Variants in PDCD6IP observed in about 807,000 individuals in gnomAD.
PDCD6IP encodes the protein programmed cell death 6-interacting protein.
PDCD6IP carries 43 observed loss-of-function variants against 103.7 expected under a neutral mutation model. The observed-to-expected ratio is 0.41, with a 90% confidence interval of 0.32 to 0.53. PDCD6IP has a LOEUF of 0.53. PDCD6IP is among the 20% of genes least tolerant of loss of function. The pLI, the probability that PDCD6IP is intolerant of heterozygous loss-of-function variation, is 0.16. For missense variants in PDCD6IP, 871 were observed against 1,036.7 expected (o/e 0.84, Z 2.20); for synonymous variants, 354 against 378.7 (o/e 0.93, Z 0.76).
rs571522798 is a variant in PDCD6IP at position 33,841,050 on chromosome 3, C to T, written c.1182-847C>T. On this transcript the variant is annotated intron_variant, in intron 9 of 17. Transcript: ENST00000307296. ...ACTTTTTTTTTTTTTTCCCCCGAGACGGAGTCTCACTCTGTCGCCCAGGCT... is the reference window on the plus strand; with the variant it reads ...ACTTTTTTTTTTTTTTCCCCCGAGATGGAGTCTCACTCTGTCGCCCAGGCT... Among the ~76,000 whole-genome samples the T allele has an allele frequency of 1.1e-3, 162 of 145,146 alleles. 1 individual carries two copies. Among genetic ancestry groups the T allele is most frequent in the African/African-American group, 3.7e-3 (144 of 38,558 alleles).
Position 33,868,717 on chromosome 3 carries a change from T to C in PDCD6IP, c.*2192T>C, listed in dbSNP as rs186148300. On this transcript the variant is annotated 3_prime_UTR_variant, in exon 18 of 18. Coordinates refer to ENST00000307296, the MANE Select transcript of PDCD6IP (RefSeq NM_013374.6). ...TGATTCAGGTGTGTTGTACCCATAT[T>C]TATAATTAGGCTTTATTATCTTCCT... 1.3e-5 allele frequency: 2 copies of C among 152,280 alleles called. No individual in the cohort carries two copies. Among genetic ancestry groups the C allele is most frequent in the Admixed American group, 1.3e-4 (2 of 15,302 alleles). 9.4% of individuals were successfully genotyped at this position (152,280 alleles called of 1,614,324 possible).
chr3:33,829,224 A>G (rs1194422445), intron 7 of PDCD6IP, among the ~76,000 whole-genome samples: 1 of 152,004 alleles, frequency 6.6e-6, no homozygotes. Context: ...ATAATTCTAA[A>G]TTAATTGCCA....
chr3:33,853,987 G>T lies in PDCD6IP; in HGVS notation c.1999G>T (p.Val667Leu), dbSNP rs765747243. The change falls in exon 14 of 18, where the codon GTA becomes TTA. Residue 667 changes from valine to leucine, a missense_variant. Around this residue, in one of 5 missense-constraint regions of PDCD6IP, gnomAD observed 266 missense variants for 390.5 expected, o/e 0.68. Transcript: ENST00000307296. ...TGCATATGACAACTTTGTTGAACTTGTAGCTAATTTGAAGGAAGGCACAAA... is the reference window on the plus strand; with the variant it reads ...TGCATATGACAACTTTGTTGAACTTTTAGCTAATTTGAAGGAAGGCACAAA... ...ATAYDNFVEL[V>L]ANLKEGTKFY... The T allele has an allele frequency of 6.3e-7, 1 of 1,585,266 alleles. No individual in the cohort carries two copies. Among genetic ancestry groups the T allele is most frequent in the African/African-American group, 1.4e-5 (1 of 73,018 alleles).
At chr3:33,855,288 A>G (rs1697802103) in intron 15 of PDCD6IP, 28 bp downstream of exon 15, 2 of 1,345,262 alleles carry the variant, frequency 1.5e-6, no homozygotes, top group Admixed American at 3.5e-5. Flanking sequence ...ACCAAATTGT[A>G]CTTAAAGAAT....
In PDCD6IP at chr3:33,866,534, C is replaced by T; in HGVS notation, c.*9C>T. ...ACTATCCACAGCAGTAATATGTCTG[C>T]TCAGCAGCTCAGCTGATTCAGATCA... On this transcript the variant is annotated 3_prime_UTR_variant, in exon 18 of 18. Transcript: ENST00000307296. 6.3e-7 allele frequency: 1 copy of T among 1,583,342 alleles called. No homozygotes were observed. Among genetic ancestry groups the T allele is most frequent in the Non-Finnish European group, 8.6e-7 (1 of 1,168,064 alleles).
At chr3:33,806,746 T>A (rs539874137) in intron 1 of PDCD6IP, among the ~76,000 whole-genome samples, 9 of 152,338 alleles carry the variant, frequency 5.9e-5, no homozygotes, top group African/African-American at 2.2e-4. Flanking sequence ...GGATTCCCTA[T>A]CTAGAGAACT....
At chr3:33,855,952 A>G (rs1697818374) in intron 15 of PDCD6IP, among the ~76,000 whole-genome samples, 1 of 152,184 alleles carries the variant, frequency 6.6e-6, no homozygotes, top group Non-Finnish European at 1.5e-5. Context: ...GTGGCCTGTT[A>G]GGCACTGGGC....
rs927946625 is a variant in PDCD6IP, at chr3:33,866,984, T to C, written c.*459T>C. ...TCAAGGCACTGTAAATCTTATAATT[T>C]TAAAATAAATTACTTAAGAACAGTT... is the stretch of plus-strand genomic sequence containing the variant. On this transcript the variant is annotated 3_prime_UTR_variant, in exon 18 of 18. Coordinates refer to ENST00000307296, the MANE Select transcript of PDCD6IP (RefSeq NM_013374.6). The C allele has an allele frequency of 6.6e-6, 1 of 152,370 alleles. No individual in the cohort carries two copies. Among genetic ancestry groups the C allele is most frequent in the African/African-American group, 2.4e-5 (1 of 41,484 alleles). The allele number at this position is 152,370 out of a possible 1,614,324, so 9.4% of individuals were successfully genotyped here.
intron 1 of PDCD6IP, among the ~76,000 whole-genome samples, chr3:33,801,415 A>G (rs958281121): frequency 1.6e-4 from 24 of 152,190 alleles, no homozygotes; most frequent in African/African-American, 5.8e-4. Context: ...CCAGTGATAG[A>G]CTTGTTTTCT....
At chr3:33,826,306 C>T (rs991165152) in intron 5 of PDCD6IP, among the ~76,000 whole-genome samples, 174 bp from the exon 6 acceptor site, 1 of 152,144 alleles carries the variant, frequency 6.6e-6, no homozygotes, top group Non-Finnish European at 1.5e-5. Flanking sequence ...CTTTCCCCCA[C>T]TGCTGGCAAC....
chr3:33,821,690 T>C (rs1696995029), intron 3 of PDCD6IP, among the ~76,000 whole-genome samples: 2 of 152,202 alleles, frequency 1.3e-5, no homozygotes, highest in Admixed American at 1.3e-4. Context: ...AATTTGATTG[T>C]AATAGAAATG....
At chr3:33,813,379 AT>A (rs1696760614) in intron 2 of PDCD6IP, 179 bp from the exon 3 acceptor site, 1 of 487,338 alleles carries the variant, frequency 2.1e-6, no homozygotes, top group Non-Finnish European at 3.6e-6. Context: ...CAGTGCCAGT[AT>A]TTTACTTTTT....
chr3:33,865,275 A>C lies in PDCD6IP; in HGVS notation c.2277A>C (p.Pro759=). Residue 759 remains proline (P), a synonymous_variant, in exon 17 of 18, where the codon CCA becomes CCC. Coordinates refer to ENST00000307296, the MANE Select transcript of PDCD6IP (RefSeq NM_013374.6). Reference sequence around the variant, plus strand: ...AGCCCCAGCCCCCAGCCAGGCCTCCACCACCTGTGCTTCCAGCAAATCGAG... The same window carrying C: ...AGCCCCAGCCCCCAGCCAGGCCTCCCCCACCTGTGCTTCCAGCAAATCGAG... ...PTKPQPPARP[P]PPVLPANRAP... 4 of 1,580,530 alleles carry C rather than the reference A, an allele frequency of 2.5e-6. No individual in the cohort carries two copies. The highest frequency in any genetic ancestry group is 3.4e-6 in the Non-Finnish European group (4 of 1,165,916).
At position 33,821,942 on chromosome 3, in the gene PDCD6IP, C is replaced by T. The variant is rs376430027; in HGVS notation, c.335-13C>T. The stretch of plus-strand genomic sequence containing the variant: ...AATAATCTGATGAATTTTTCCTTCT[C>T]AATTTTTTACAGCTCTTGCAAGCTT... On this transcript the variant is annotated splice_polypyrimidine_tract_variant and intron_variant, in intron 3 of 17. Coordinates refer to ENST00000307296, the MANE Select transcript of PDCD6IP (RefSeq NM_013374.6). 4.5e-5 allele frequency: 72 copies of T among 1,597,470 alleles called. No homozygotes were observed. In the African/African-American group the frequency reaches 6.3e-4, roughly 14 times the overall value.
At chr3:33,842,725 A>G (rs1559790123) in intron 10 of PDCD6IP, among the ~76,000 whole-genome samples, 1 of 152,218 alleles carries the variant, frequency 6.6e-6, no homozygotes, top group Non-Finnish European at 1.5e-5. Flanking sequence ...CCTGAAAGTT[A>G]AAATCTTATG....
intron 1 of PDCD6IP, among the ~76,000 whole-genome samples, chr3:33,804,483 A>C (rs1168149914): frequency 6.6e-6 from 1 of 152,260 alleles, no homozygotes; most frequent in Admixed American, 6.5e-5. Flanking sequence ...ATATAAAGAT[A>C]TACTTGGTCC....
intron 3 of PDCD6IP, among the ~76,000 whole-genome samples, chr3:33,820,589 C>G (rs566060898): frequency 6.6e-6 from 1 of 152,140 alleles, no homozygotes; most frequent in African/African-American, 2.4e-5. Context: ...CCCTGATAAC[C>G]ATCATTCTGA....
intron 12 of PDCD6IP, among the ~76,000 whole-genome samples, chr3:33,850,232 T>A (rs1440627595): frequency 6.6e-6 from 1 of 152,192 alleles, no homozygotes; most frequent in Non-Finnish European, 1.5e-5. Flanking sequence ...CTAAGTCCAT[T>A]ATGGTCTCTA....
At position 33,845,604 on chromosome 3, in the gene PDCD6IP, T is replaced by A. The variant is rs377306436; in HGVS notation, c.1641+16T>A. ...GGGCAGTGAGGTAAGAAGGACACTTTGATGTAGGTTGTCATCTGCTTAAGA... is the reference window on the plus strand; with the variant it reads ...GGGCAGTGAGGTAAGAAGGACACTTAGATGTAGGTTGTCATCTGCTTAAGA... On this transcript the variant is annotated intron_variant, in intron 12 of 17. Coordinates refer to ENST00000307296, the MANE Select transcript of PDCD6IP (RefSeq NM_013374.6). The A allele has an allele frequency of 3.8e-6, 6 of 1,574,090 alleles. No homozygotes were observed. The highest frequency in any genetic ancestry group is 5.2e-6 in the Non-Finnish European group (6 of 1,153,554).
Sources: allele counts gnomAD v4.1 joint callset (sites outside exome capture counted in the v4.1 genomes callset), GRCh38; gene constraint gnomAD v4.1.1; regional missense constraint gnomAD v4.1.1; transcripts MANE v1.5; gene names NCBI Gene and HGNC (gene_info 2026-07-23, HGNC 2026-07-21).